The following ZMAT4 variants were observed in gnomAD, a reference collection of about 807,000 sequenced individuals.
ZMAT4 encodes the protein zinc finger matrin-type protein 4.
A neutral mutation model predicts 28.7 loss-of-function variants in ZMAT4; 17 were observed. That is an observed-to-expected ratio of 0.59 (90% CI 0.41 to 0.89). The LOEUF (loss-of-function observed/expected upper bound fraction) is 0.89, where lower values mean the gene tolerates loss of function less well. ZMAT4 is among the 40% of genes least tolerant of loss of function. The pLI is 0.00. For missense variants in ZMAT4, 240 were observed against 283.8 expected (o/e 0.85, Z 1.11); for synonymous variants, 117 against 109.2 (o/e 1.07, Z -0.44).
At chr8:40,723,076 G>T (rs1190164542) in intron 3 of ZMAT4, among the ~76,000 whole-genome samples, 5 of 152,156 alleles carry the variant, frequency 3.3e-5, no homozygotes, top group African/African-American at 1.2e-4. Context: ...CAACAGAGGT[G>T]TCACTTGTTT....
Position 40,767,465 on chromosome 8 carries a change from G to T in ZMAT4, c.192+176C>A, listed in dbSNP as rs1391856426. 2.0e-5 allele frequency among the ~76,000 whole-genome samples: 3 copies of T among 151,994 alleles called. No individual in the cohort carries two copies. In the East Asian group the frequency reaches 5.8e-4, roughly 29 times the overall value. On this transcript the variant is annotated intron_variant, in intron 3 of 6. Transcript: ENST00000297737. ...TCCAATACTATATGGGCAAGTTCTG[G>T]CAGGAAAATAAAAAAACCTCGATAT...
intron 2 of ZMAT4, among the ~76,000 whole-genome samples, chr8:40,769,023 CATTCATCACTTTCTTAATTCCTAT>C (rs1307601737): frequency 6.6e-6 from 1 of 152,222 alleles, no homozygotes; most frequent in Non-Finnish European, 1.5e-5. Context: ...CCATTTTCCT[CATTCATCACTTTCTTAATTCCTAT>C]ATTCTGTCTA....
At chr8:40,762,401 T>C (rs1812979665) in intron 3 of ZMAT4, among the ~76,000 whole-genome samples, 1 of 152,026 alleles carries the variant, frequency 6.6e-6, no homozygotes, top group African/African-American at 2.4e-5. Context: ...ATGCCTGTAA[T>C]ACCAACACTT....
At chr8:40,798,223 T>C (rs1473048364) in intron 2 of ZMAT4, among the ~76,000 whole-genome samples, 1 of 152,154 alleles carries the variant, frequency 6.6e-6, no homozygotes, top group Non-Finnish European at 1.5e-5. Flanking sequence ...GCAGATATGC[T>C]CAGGGTCCTG....
intron 2 of ZMAT4, among the ~76,000 whole-genome samples, chr8:40,798,724 C>G (rs907339651): frequency 3.3e-5 from 5 of 152,206 alleles, no homozygotes; most frequent in Non-Finnish European, 7.3e-5. Flanking sequence ...TTTCCCTCTG[C>G]CTTTATTGCT....
At chr8:40,874,720 G>T (rs562243569) in intron 1 of ZMAT4, among the ~76,000 whole-genome samples, 1 of 152,350 alleles carries the variant, frequency 6.6e-6, no homozygotes, top group East Asian at 1.9e-4. Flanking sequence ...GCACCTGGAT[G>T]GTTTCTGGCT....
chr8:40,896,383 A>G (rs1818880323), intron 1 of ZMAT4, among the ~76,000 whole-genome samples: 1 of 152,180 alleles, frequency 6.6e-6, no homozygotes, highest in South Asian at 2.1e-4. Context: ...AAAATCATCT[A>G]AACTCTTCAA....
At chr8:40,614,170 G>T (rs1805908536) in intron 5 of ZMAT4, among the ~76,000 whole-genome samples, 1 of 152,136 alleles carries the variant, frequency 6.6e-6, no homozygotes, top group South Asian at 2.1e-4. Context: ...CCCTGGGTTT[G>T]CACCTTGCAA....
chr8:40,690,699 G>A (rs1809622413), intron 4 of ZMAT4, among the ~76,000 whole-genome samples: 1 of 152,084 alleles, frequency 6.6e-6, no homozygotes, highest in Non-Finnish European at 1.5e-5. Flanking sequence ...TAACTTTCAA[G>A]CAGATATAGA....
chr8:40,692,318 C>T (rs2150489566), intron 4 of ZMAT4, among the ~76,000 whole-genome samples: 1 of 152,258 alleles, frequency 6.6e-6, no homozygotes, highest in Non-Finnish European at 1.5e-5. Flanking sequence ...GATGTCATTA[C>T]CTGTCAAACT....
At chr8:40,752,776 G>A (rs369726293) in intron 3 of ZMAT4, among the ~76,000 whole-genome samples, 5 of 152,060 alleles carry the variant, frequency 3.3e-5, no homozygotes, top group African/African-American at 7.2e-5. Context: ...GCTGACACTC[G>A]ACAGCTCCCC....
chr8:40,664,670 G>A (rs758291647), intron 5 of ZMAT4, among the ~76,000 whole-genome samples: 4 of 152,184 alleles, frequency 2.6e-5, no homozygotes, highest in Non-Finnish European at 5.9e-5. Flanking sequence ...ACTGAGCCAA[G>A]CCACTCCCAA....
intron 3 of ZMAT4, among the ~76,000 whole-genome samples, chr8:40,739,667 T>C (rs1302894762): frequency 6.6e-6 from 1 of 152,216 alleles, no homozygotes; most frequent in African/African-American, 2.4e-5. Context: ...CTGGGATACA[T>C]GTGCAGAACG....
chr8:40,735,967 T>G (rs1418396846), intron 3 of ZMAT4, among the ~76,000 whole-genome samples: 2 of 152,146 alleles, frequency 1.3e-5, no homozygotes, highest in Non-Finnish European at 2.9e-5. Context: ...TCAAATTCAG[T>G]CTTCTTAGAA....
intron 3 of ZMAT4, among the ~76,000 whole-genome samples, chr8:40,709,050 C>T (rs912753256): frequency 3.3e-5 from 5 of 152,128 alleles, no homozygotes; most frequent in African/African-American, 1.2e-4. Context: ...GGTTCCAGGA[C>T]CCCCTACAGT....
chr8:40,887,170 CAAAA>C (rs35466634), intron 1 of ZMAT4, among the ~76,000 whole-genome samples: 5 of 62,008 alleles, frequency 8.1e-5, no homozygotes, highest in Non-Finnish European at 1.2e-4. Context: ...GACTCCGTCT[CAAAA>C]AAAAAAAAAA....
At chr8:40,689,054 A>C (rs114505866) in intron 4 of ZMAT4, among the ~76,000 whole-genome samples, 374 of 152,354 alleles carry the variant, frequency 2.5e-3, no homozygotes, top group African/African-American at 8.6e-3. Context: ...GCAGCTTAAA[A>C]ACAGTGTGTC....
chr8:40,636,743 A>G (rs1806806694), intron 5 of ZMAT4, among the ~76,000 whole-genome samples: 1 of 152,208 alleles, frequency 6.6e-6, no homozygotes, highest in Admixed American at 6.5e-5. Flanking sequence ...TAGACGATCA[A>G]GTAGCAGCCT....
intron 5 of ZMAT4, among the ~76,000 whole-genome samples, chr8:40,641,748 A>G (rs1033200681): frequency 1.3e-5 from 2 of 152,174 alleles, no homozygotes; most frequent in Admixed American, 1.3e-4. Flanking sequence ...TTTTAAGTAT[A>G]CAATACAGTA....
Sources: allele counts gnomAD v4.1 joint callset (sites outside exome capture counted in the v4.1 genomes callset), GRCh38; gene constraint gnomAD v4.1.1; transcripts MANE v1.5; gene names NCBI Gene and HGNC (gene_info 2026-07-23, HGNC 2026-07-21).